The following ARHGAP29 variants were observed in gnomAD, a reference collection of about 807,000 sequenced individuals.
ARHGAP29 encodes rho GTPase-activating protein 29.
ARHGAP29 carries 43 observed loss-of-function variants against 122.6 expected under a neutral mutation model. The ratio of observed to expected loss-of-function variants is 0.35; its 90% CI spans 0.27 to 0.45. The LOEUF (loss-of-function observed/expected upper bound fraction) is 0.45, where lower values mean the gene tolerates loss of function less well. Among genes scored for constraint, ARHGAP29 ranks in the 20% least tolerant of loss-of-function variants. ARHGAP29 has a pLI of 1.00. For missense variants in ARHGAP29, 1,303 were observed against 1,477.2 expected (o/e 0.88, Z 1.93); for synonymous variants, 506 against 497.1 (o/e 1.02, Z -0.24).
At chr1:94,185,529 A>G in intron 16 of ARHGAP29, 48 bp from the exon 17 acceptor site, 1 of 1,439,328 alleles carries the variant, frequency 6.9e-7, no homozygotes, top group Non-Finnish European at 9.4e-7. Flanking sequence ...TAGAAAAATT[A>G]TACCATGTGA....
At chr1:94,179,405 C>T (rs1649306056) in intron 20 of ARHGAP29, among the ~76,000 whole-genome samples, 1 of 151,838 alleles carries the variant, frequency 6.6e-6, no homozygotes, top group Non-Finnish European at 1.5e-5. Flanking sequence ...ACCAGTCTGG[C>T]CAATATGTTG....
chr1:94,295,120 G>A, the ARHGAP29 span, among the ~76,000 whole-genome samples: 5 of 152,256 alleles, frequency 3.3e-5, no homozygotes, highest in Admixed American at 6.5e-5. Context: ...TGTTGACTAG[G>A]GCCAACTAGA....
intron 1 of ARHGAP29, among the ~76,000 whole-genome samples, chr1:94,265,501 T>G (rs1379523055): frequency 6.6e-6 from 1 of 152,220 alleles, no homozygotes; most frequent in Non-Finnish European, 1.5e-5. Context: ...AGCAAATCCT[T>G]TCCAGGGACA....
At chr1:94,223,046 C>T (rs1214081701) in intron 2 of ARHGAP29, among the ~76,000 whole-genome samples, 2 of 151,992 alleles carry the variant, frequency 1.3e-5, no homozygotes, top group Admixed American at 6.5e-5. Flanking sequence ...TGGGTTCACG[C>T]CATTCTCCTG....
chr1:94,206,161 C>A (rs1007902672), intron 5 of ARHGAP29, among the ~76,000 whole-genome samples: 41 of 152,004 alleles, frequency 2.7e-4, no homozygotes, highest in Non-Finnish European at 1.5e-5. Flanking sequence ...TCTGTACTGT[C>A]CAATAAAGTA....
chr1:94,181,302 A>G (rs1289102556), intron 19 of ARHGAP29, among the ~76,000 whole-genome samples: 1 of 152,204 alleles, frequency 6.6e-6, no homozygotes, highest in Non-Finnish European at 1.5e-5. Context: ...CCCTGTTGCC[A>G]CTTCACGCTT....
intron 1 of ARHGAP29, among the ~76,000 whole-genome samples, chr1:94,232,785 T>C (rs1653004697): frequency 6.6e-6 from 1 of 152,154 alleles, no homozygotes; most frequent in African/African-American, 2.4e-5. Context: ...TCTCTGGAAA[T>C]CAAAAAGGAA....
At chr1:94,295,129 G>T in the ARHGAP29 span, among the ~76,000 whole-genome samples, 7 of 152,214 alleles carry the variant, frequency 4.6e-5, no homozygotes, top group African/African-American at 1.4e-4. Flanking sequence ...GGGCCAACTA[G>T]AAGGATTGGA....
chr1:94,288,758 C>T, the ARHGAP29 span, among the ~76,000 whole-genome samples: 1 of 152,128 alleles, frequency 6.6e-6, no homozygotes, highest in Non-Finnish European at 1.5e-5. Context: ...ATAGGGAATC[C>T]TTTCCCCATT....
At chr1:94,300,692 G>A in the ARHGAP29 span, among the ~76,000 whole-genome samples, 1 of 151,992 alleles carries the variant, frequency 6.6e-6, no homozygotes, top group Non-Finnish European at 1.5e-5. Context: ...TTGAAGATAG[G>A]GGACCATATT....
intron 3 of ARHGAP29, among the ~76,000 whole-genome samples, chr1:94,212,135 T>TG (rs1203430902): frequency 6.6e-6 from 1 of 152,024 alleles, no homozygotes. Flanking sequence ...AAAAATTAGC[T>TG]GGGGGTGGTG....
intron 1 of ARHGAP29, among the ~76,000 whole-genome samples, chr1:94,232,329 G>A (rs1158828138): frequency 6.6e-6 from 1 of 152,036 alleles, no homozygotes; most frequent in African/African-American, 2.4e-5. Flanking sequence ...ATTACAGTTA[G>A]TTTTTCCTAA....
chr1:94,266,530 T>C (rs1333305816), intron 1 of ARHGAP29, among the ~76,000 whole-genome samples: 1 of 152,156 alleles, frequency 6.6e-6, no homozygotes, highest in Non-Finnish European at 1.5e-5. Flanking sequence ...TCTTCTTTCC[T>C]TCCCCCTTCA....
chr1:94,213,489 C>A (rs887210785), intron 3 of ARHGAP29, among the ~76,000 whole-genome samples: 1 of 152,122 alleles, frequency 6.6e-6, no homozygotes, highest in African/African-American at 2.4e-5. Flanking sequence ...GCCTGGAAAA[C>A]TTTTTCTATA....
At chr1:94,276,626 CA>C (rs1655199931), upstream of ARHGAP29, among the ~76,000 whole-genome samples, 1 of 151,004 alleles carries the variant, frequency 6.6e-6, no homozygotes, top group African/African-American at 2.4e-5. Context: ...ACAAAAAATA[CA>C]AAAATTAGCT....
At chr1:94,220,968 A>T (rs1225133054) in intron 2 of ARHGAP29, among the ~76,000 whole-genome samples, 1 of 152,090 alleles carries the variant, frequency 6.6e-6, no homozygotes, top group Non-Finnish European at 1.5e-5. Flanking sequence ...TCAGGGCCAC[A>T]TTCCTCCTTG....
rs961877708 is a variant in ARHGAP29 at position 94,189,361 on chromosome 1, A to T, written c.1440-9T>A. 1 of 1,599,994 alleles carries T rather than the reference A, an allele frequency of 6.3e-7. No homozygotes were observed. The highest frequency in any genetic ancestry group is 8.5e-7 in the Non-Finnish European group (1 of 1,174,858). On this transcript the variant is annotated splice_polypyrimidine_tract_variant and intron_variant, in intron 13 of 22. Transcript: ENST00000260526. ...AATGTTTATTTACATTTCTGAAACA[A>T]CAACAATGACAAAAAACAAAACTCA...
intron 1 of ARHGAP29, among the ~76,000 whole-genome samples, chr1:94,270,548 C>T (rs1448456773): frequency 1.3e-5 from 2 of 152,168 alleles, no homozygotes; most frequent in Admixed American, 1.3e-4. Context: ...GTATCCAGCC[C>T]AAACAGCACC....
At chr1:94,298,001 G>A in the ARHGAP29 span, among the ~76,000 whole-genome samples, 27 of 152,138 alleles carry the variant, frequency 1.8e-4, no homozygotes, top group Non-Finnish European at 3.2e-4. Context: ...GAAAGCTATC[G>A]ATTTTCTCTG....
Sources: allele counts gnomAD v4.1 joint callset (sites outside exome capture counted in the v4.1 genomes callset), GRCh38; gene constraint gnomAD v4.1.1; transcripts MANE v1.5; gene names NCBI Gene and HGNC (gene_info 2026-07-23, HGNC 2026-07-21).